The following EPN2 variants were observed in gnomAD, a reference collection of about 807,000 sequenced individuals.
EPN2 encodes epsin-2.
EPN2 carries 34 observed loss-of-function variants against 61.7 expected under a neutral mutation model. The ratio of observed to expected loss-of-function variants is 0.55; its 90% CI spans 0.42 to 0.73. EPN2 has a LOEUF of 0.73. EPN2 is among the 30% of genes least tolerant of loss of function. The pLI, the probability that EPN2 is intolerant of heterozygous loss-of-function variation, is 0.00. For missense variants in EPN2, 714 were observed against 839.2 expected (o/e 0.85, Z 1.84); for synonymous variants, 349 against 353.6 (o/e 0.99, Z 0.15).
intron 1 of EPN2, 143 bp downstream of exon 1, chr17:19,237,674 C>T (rs2044829782): frequency 6.6e-6 from 1 of 152,360 alleles, no homozygotes; most frequent in East Asian, 1.9e-4. Flanking sequence ...TGCCGCCCCG[C>T]TGGTCCCTAC....
intron 1 of EPN2, among the ~76,000 whole-genome samples, chr17:19,263,852 C>G (rs889403986): frequency 6.6e-6 from 1 of 151,932 alleles, no homozygotes; most frequent in African/African-American, 2.4e-5. Context: ...TGAAGAACAT[C>G]CCTGTTTTCT....
chr17:19,241,993 TATTTAGA>T (rs747959490), intron 1 of EPN2, among the ~76,000 whole-genome samples: 7 of 152,190 alleles, frequency 4.6e-5, no homozygotes, highest in Non-Finnish European at 1.0e-4. Context: ...CCACCAAGTT[TATTTAGA>T]AGGTTGGGAA....
At chr17:19,330,533 C>A (rs1907111295) in intron 9 of EPN2, 1 of 152,326 alleles carries the variant, frequency 6.6e-6, no homozygotes, top group Non-Finnish European at 1.5e-5. Flanking sequence ...GCTGAGAGAC[C>A]AGAGGCAGCT....
intron 1 of EPN2, among the ~76,000 whole-genome samples, chr17:19,255,624 T>G (rs2045068874): frequency 2.7e-5 from 4 of 148,812 alleles, no homozygotes; most frequent in Non-Finnish European, 5.9e-5. Context: ...TTTGATAGAT[T>G]GGATTGATTT....
chr17:19,245,330 G>A (rs2044933151), intron 1 of EPN2, among the ~76,000 whole-genome samples: 1 of 152,102 alleles, frequency 6.6e-6, no homozygotes, highest in Non-Finnish European at 1.5e-5. Flanking sequence ...TGATCCTGCA[G>A]CTCTGCACAC....
Position 19,282,091 on chromosome 17 carries a change from A to T in EPN2, c.-171+14A>T, listed in dbSNP as rs372900179. The stretch of plus-strand genomic sequence containing the variant: ...CACTGTAGCCTGGTAAGTGAGTGTT[A>T]TCTGGAGGAAGAGAGGGGATAGATG... On this transcript the variant is annotated intron_variant, in intron 2 of 10. Transcript: ENST00000314728. 2.1e-4 allele frequency: 32 copies of T among 152,338 alleles called. 1 individual carries two copies. The East Asian group carries it at 5.6e-3, about 27-fold the overall frequency. The allele number at this position is 152,338 out of a possible 1,614,324, so 9.4% of individuals were successfully genotyped here.
intron 1 of EPN2, among the ~76,000 whole-genome samples, chr17:19,259,680 A>G (rs189229525): frequency 6.7e-6 from 1 of 150,178 alleles, no homozygotes. Context: ...TCTCTTTTAC[A>G]CTCTCCCTGT....
At chr17:19,289,974 G>C (rs759677243) in intron 4 of EPN2, among the ~76,000 whole-genome samples, 29 of 151,980 alleles carry the variant, frequency 1.9e-4, no homozygotes, top group Non-Finnish European at 4.0e-4. Flanking sequence ...GCCCAGCTCG[G>C]CCTCCCAAAG....
At chr17:19,287,406 G>T (rs932050228) in intron 4 of EPN2, among the ~76,000 whole-genome samples, 14 of 152,144 alleles carry the variant, frequency 9.2e-5, no homozygotes, top group African/African-American at 3.4e-4. Flanking sequence ...TATATGGATT[G>T]CATTTCATCC....
intron 1 of EPN2, among the ~76,000 whole-genome samples, chr17:19,259,876 C>T (rs1211978780): frequency 6.6e-6 from 1 of 152,190 alleles, no homozygotes; most frequent in East Asian, 1.9e-4. Context: ...CTGCTTTGGC[C>T]TGTGGCGTTT....
intron 1 of EPN2, among the ~76,000 whole-genome samples, chr17:19,260,690 T>C (rs1309765448): frequency 6.6e-6 from 1 of 151,622 alleles, no homozygotes; most frequent in Non-Finnish European, 1.5e-5. Flanking sequence ...AAAATGAAAA[T>C]ATATTAAAAT....
At chr17:19,245,589 AC>A (rs904495067) in intron 1 of EPN2, among the ~76,000 whole-genome samples, 6 of 151,286 alleles carry the variant, frequency 4.0e-5, no homozygotes, top group African/African-American at 1.5e-4. Flanking sequence ...GGCATGTGCC[AC>A]CACACCCAGC....
chr17:19,334,440 C>G lies in EPN2; in HGVS notation c.*186C>G. 2 of 449,718 alleles carry G rather than the reference C, an allele frequency of 4.4e-6. No homozygotes were observed. Among genetic ancestry groups the G allele is most frequent in the Non-Finnish European group, 7.6e-6 (2 of 264,552 alleles). 27.9% of individuals were successfully genotyped at this position (449,718 alleles called of 1,614,324 possible). On this transcript the variant is annotated 3_prime_UTR_variant, in exon 11 of 11. Coordinates refer to ENST00000314728, the MANE Select transcript of EPN2 (RefSeq NM_014964.5). The surrounding 1 kb of genome is among the most constrained non-coding windows in gnomAD (Gnocchi z 4.9). ...GACCCTCGCCTTCCAAGGCAGGCCC[C>G]TCAGCCTGGCCTGCTCTCACCACCT...
chr17:19,302,028 A>G (rs530256474), intron 4 of EPN2, among the ~76,000 whole-genome samples: 2 of 152,304 alleles, frequency 1.3e-5, no homozygotes, highest in Admixed American at 1.3e-4. Flanking sequence ...AGCCGCAGCC[A>G]TTTACCCTCT....
chr17:19,270,455 A>G (rs1339408162), intron 1 of EPN2, among the ~76,000 whole-genome samples: 1 of 152,292 alleles, frequency 6.6e-6, no homozygotes, highest in East Asian at 1.9e-4. Context: ...GTGTGTTCTC[A>G]TAGGGATGCC....
At chr17:19,302,184 C>T (rs1905560489) in intron 4 of EPN2, among the ~76,000 whole-genome samples, 1 of 152,206 alleles carries the variant, frequency 6.6e-6, no homozygotes, top group Non-Finnish European at 1.5e-5. Context: ...GGGGCAGCAC[C>T]CCCTTATGGA....
At chr17:19,310,075 G>A (rs1906046863) in intron 5 of EPN2, 78 bp downstream of exon 5, 3 of 974,742 alleles carry the variant, frequency 3.1e-6, no homozygotes, top group Non-Finnish European at 3.2e-6. Context: ...GAAGAAGATG[G>A]CAGACACAGC....
At chr17:19,263,377 C>G (rs540688241) in intron 1 of EPN2, among the ~76,000 whole-genome samples, 7 of 152,112 alleles carry the variant, frequency 4.6e-5, no homozygotes, top group Non-Finnish European at 8.8e-5. Context: ...TTCCGGAAAG[C>G]GTTCACTAGT....
chr17:19,283,386 C>G lies in EPN2; in HGVS notation c.267C>G (p.Ser89=). The G allele has an allele frequency of 6.2e-7, 1 of 1,614,138 alleles. No individual in the cohort carries two copies. Among genetic ancestry groups the G allele is most frequent in the Non-Finnish European group, 8.5e-7 (1 of 1,180,016 alleles). The change falls in exon 3 of 11, where the codon TCC becomes TCG. Residue 89 remains serine (S), a synonymous_variant. Transcript: ENST00000314728. The surrounding 1 kb of genome is among the most constrained non-coding windows in gnomAD (Gnocchi z 7.0). ...TLLDYLIKTG[S]ERVAQQCREN... ...TGGACTACCTCATCAAGACAGGCTCCGAACGTGTGGCCCAGCAGTGCCGGG... is the reference window on the plus strand; with the variant it reads ...TGGACTACCTCATCAAGACAGGCTCGGAACGTGTGGCCCAGCAGTGCCGGG...
Sources: allele counts gnomAD v4.1 joint callset (sites outside exome capture counted in the v4.1 genomes callset), GRCh38; gene constraint gnomAD v4.1.1; non-coding constraint Gnocchi (gnomAD v3.1); transcripts MANE v1.5; gene names NCBI Gene and HGNC (gene_info 2026-07-23, HGNC 2026-07-21).